The following ACOXL variants were observed in gnomAD, a reference collection of about 807,000 sequenced individuals.
The protein encoded by ACOXL is acyl-CoA oxidase like.
ACOXL carries 70 observed loss-of-function variants against 71.9 expected under a neutral mutation model. The ratio of observed to expected loss-of-function variants is 0.97; its 90% CI spans 0.80 to 1.19. The LOEUF is 1.19. Ranked by LOEUF, ACOXL falls within the 50% of genes most tolerant of loss-of-function variation. The pLI is 0.00. For missense variants in ACOXL, 703 were observed against 736.3 expected (o/e 0.95, Z 0.52); for synonymous variants, 253 against 281.6 (o/e 0.90, Z 1.02).
At chr2:110,828,677 T>A (rs1029433002) in intron 9 of ACOXL, among the ~76,000 whole-genome samples, 1 of 152,236 alleles carries the variant, frequency 6.6e-6, no homozygotes, top group Non-Finnish European at 1.5e-5. Flanking sequence ...ATCCCCAAGT[T>A]AGACCTGGGA....
intron 15 of ACOXL, among the ~76,000 whole-genome samples, chr2:111,048,227 G>A (rs2066112237): frequency 6.6e-6 from 1 of 152,198 alleles, no homozygotes; most frequent in Non-Finnish European, 1.5e-5. Context: ...GGCTGGATGG[G>A]TGGGCTTGGG....
chr2:110,962,919 G>C (rs1021030371), intron 12 of ACOXL, among the ~76,000 whole-genome samples: 2 of 152,156 alleles, frequency 1.3e-5, no homozygotes, highest in Non-Finnish European at 2.9e-5. Context: ...GGAAGAAGGA[G>C]GTAGTGCAGA....
intron 12 of ACOXL, chr2:110,968,051 T>A: frequency 8.8e-7 from 1 of 1,138,908 alleles, no homozygotes; most frequent in Non-Finnish European, 1.3e-6. Context: ...GAGGGGGATA[T>A]GATAGTCTGC....
At chr2:110,921,594 C>T (rs949320843) in intron 11 of ACOXL, among the ~76,000 whole-genome samples, 2 of 151,942 alleles carry the variant, frequency 1.3e-5, no homozygotes, top group Non-Finnish European at 2.9e-5. Context: ...GGGGTTTCAC[C>T]GTGTTAGCCA....
intron 12 of ACOXL, among the ~76,000 whole-genome samples, chr2:110,955,469 T>G (rs4577288): frequency 0.5 from 75,172 of 148,968 alleles, 19,126 homozygotes; most frequent in Middle Eastern, 0.57. Flanking sequence ...TCTCGCCACC[T>G]ATGGTCTGTG....
At chr2:110,760,583 G>A (rs1680271791) in intron 1 of ACOXL, among the ~76,000 whole-genome samples, 2 of 152,296 alleles carry the variant, frequency 1.3e-5, no homozygotes, top group Admixed American at 1.3e-4. Flanking sequence ...GCCATGAATT[G>A]GACAGACAGC....
intron 1 of ACOXL, among the ~76,000 whole-genome samples, chr2:110,747,833 T>G (rs1251085592): frequency 6.6e-6 from 1 of 152,168 alleles, no homozygotes; most frequent in Non-Finnish European, 1.5e-5. Context: ...GTTTCTCCCT[T>G]TACTTCCTGT....
At chr2:111,115,894 A>T (rs1387804917) in intron 17 of ACOXL, among the ~76,000 whole-genome samples, 2 of 152,076 alleles carry the variant, frequency 1.3e-5, no homozygotes, top group African/African-American at 2.4e-5. Context: ...TTTCAAGTTT[A>T]TTTTTTTAAA....
intron 10 of ACOXL, among the ~76,000 whole-genome samples, chr2:110,877,278 CT>C (rs1251783733): frequency 1.3e-5 from 2 of 152,244 alleles, no homozygotes; most frequent in African/African-American, 4.8e-5. Flanking sequence ...GGACTATCTT[CT>C]GCCTGCCCTC....
chr2:111,029,975 A>C (rs2065190130), intron 14 of ACOXL, among the ~76,000 whole-genome samples: 1 of 152,170 alleles, frequency 6.6e-6, no homozygotes, highest in Admixed American at 6.5e-5. Flanking sequence ...TGCATTGCAC[A>C]GCCAGTTAGT....
chr2:110,943,478 C>T (rs2060974144), intron 12 of ACOXL, among the ~76,000 whole-genome samples: 1 of 152,124 alleles, frequency 6.6e-6, no homozygotes, highest in Non-Finnish European at 1.5e-5. Context: ...GAAGCTACAA[C>T]CAGAGGAGAG....
intron 11 of ACOXL, among the ~76,000 whole-genome samples, chr2:110,932,273 G>C (rs992539646): frequency 1.3e-5 from 2 of 152,160 alleles, no homozygotes; most frequent in Non-Finnish European, 1.5e-5. Context: ...GAAAGGAATG[G>C]AGTGCAAAAA....
rs567643644 is a variant in ACOXL, at chr2:110,886,838, T to C, written c.789-21951T>C. On this transcript the variant is annotated intron_variant, in intron 10 of 17. Transcript: ENST00000439055. ...CTCCAGCTGGTCTTTATTGAGCCCC[T>C]CTTGTGGACCAGGCTAATTTCCTGA... The C allele has an allele frequency of 5.2e-6, 8 of 1,551,032 alleles. No homozygotes were observed. In the Admixed American group the frequency reaches 5.9e-5, roughly 11 times the overall value.
intron 12 of ACOXL, among the ~76,000 whole-genome samples, chr2:110,982,075 T>A (rs2062730015): frequency 6.6e-6 from 1 of 152,232 alleles, no homozygotes; most frequent in African/African-American, 2.4e-5. Context: ...TGGGCCTAAA[T>A]CACTGCTTCA....
chr2:111,028,403 T>G (rs912052865), intron 14 of ACOXL, among the ~76,000 whole-genome samples: 4 of 151,730 alleles, frequency 2.6e-5, no homozygotes, highest in African/African-American at 9.7e-5. Flanking sequence ...CCCTCTGAGC[T>G]CCTCGGCCTC....
At chr2:111,053,529 C>A (rs35875858) in intron 16 of ACOXL, among the ~76,000 whole-genome samples, 1 of 152,146 alleles carries the variant, frequency 6.6e-6, no homozygotes, top group African/African-American at 2.4e-5. Flanking sequence ...TTGACTTTGC[C>A]TAGCAGGCCT....
chr2:111,117,835 T>G lies in ACOXL; in HGVS notation c.*19T>G. 6 of 1,537,274 alleles carry G rather than the reference T, an allele frequency of 3.9e-6. No individual in the cohort carries two copies. The highest frequency in any genetic ancestry group is 5.3e-6 in the Non-Finnish European group (6 of 1,142,576). On this transcript the variant is annotated 3_prime_UTR_variant, in exon 18 of 18. Transcript: ENST00000439055. ...GCTCTAACGGGTGTGGCGGGAAGTGTGGTGGCCCGCCAGCAGCTGCCACGA... is the reference window on the plus strand; with the variant it reads ...GCTCTAACGGGTGTGGCGGGAAGTGGGGTGGCCCGCCAGCAGCTGCCACGA...
intron 16 of ACOXL, among the ~76,000 whole-genome samples, chr2:111,079,712 C>T (rs1229786187): frequency 1.3e-5 from 2 of 152,146 alleles, no homozygotes; most frequent in Admixed American, 1.3e-4. Flanking sequence ...AGTAGCTTCT[C>T]CATGCACTGT....
chr2:110,854,633 G>T (rs915900752), intron 10 of ACOXL, among the ~76,000 whole-genome samples: 5 of 152,218 alleles, frequency 3.3e-5, no homozygotes, highest in Non-Finnish European at 5.9e-5. Flanking sequence ...GACTGAGTAG[G>T]TTTATGGAAG....
Sources: allele counts gnomAD v4.1 joint callset (sites outside exome capture counted in the v4.1 genomes callset), GRCh38; gene constraint gnomAD v4.1.1; transcripts MANE v1.5; gene names NCBI Gene and HGNC (gene_info 2026-07-23, HGNC 2026-07-21).